The following TAFA4 variants were observed in gnomAD, a reference collection of about 807,000 sequenced individuals.
The protein encoded by TAFA4 is chemokine-like protein TAFA-4.
In TAFA4, 20 loss-of-function variants were observed where a neutral mutation model predicts 21.1. The observed-to-expected ratio is 0.95, with a 90% CI of 0.67 to 1.38. The LOEUF is 1.38. Among genes scored for constraint, TAFA4 ranks in the 40% most tolerant of loss-of-function variants. The pLI, the probability that TAFA4 is intolerant of heterozygous loss-of-function variation, is 0.00. For missense variants in TAFA4, 211 were observed against 180.9 expected, an observed-to-expected ratio of 1.17 and a Z score of -0.95; for synonymous variants, 71 against 67.4, an observed-to-expected ratio of 1.05 and a Z score of -0.26.
At chr3:68,763,842 C>A (rs1702800469) in intron 3 of TAFA4, among the ~76,000 whole-genome samples, 1 of 136,620 alleles carries the variant, frequency 7.3e-6, no homozygotes, top group African/African-American at 2.6e-5. Context: ...ATTAGGTAAA[C>A]CTTGGTCTTT....
chr3:68,815,758 A>T (rs968377602), intron 3 of TAFA4, among the ~76,000 whole-genome samples: 1 of 152,202 alleles, frequency 6.6e-6, no homozygotes, highest in African/African-American at 2.4e-5. Context: ...CAGTGTGGCG[A>T]TTCCTCAAGA....
intron 3 of TAFA4, among the ~76,000 whole-genome samples, chr3:68,859,672 A>T (rs561557438): frequency 6.6e-6 from 1 of 152,260 alleles, no homozygotes. Flanking sequence ...TCAGCCATGC[A>T]TCAACCTTGA....
intron 3 of TAFA4, among the ~76,000 whole-genome samples, chr3:68,878,744 A>C (rs2089582561): frequency 6.6e-6 from 1 of 152,148 alleles, no homozygotes; most frequent in Non-Finnish European, 1.5e-5. Flanking sequence ...TAAAAACAAC[A>C]AAACCTGTCT....
chr3:68,872,703 A>C (rs1218706674), intron 3 of TAFA4, among the ~76,000 whole-genome samples: 1 of 152,182 alleles, frequency 6.6e-6, no homozygotes, highest in Non-Finnish European at 1.5e-5. Context: ...ATAATAAATA[A>C]GAAAATGCAT....
chr3:68,734,025 T>C lies in TAFA4; in HGVS notation c.412-872A>G, dbSNP rs144841212. Among the ~76,000 whole-genome samples the C allele has an allele frequency of 5.3e-4, 80 of 152,276 alleles. No homozygotes were observed. In the East Asian group the frequency reaches 0.013, roughly 24 times the overall value. On this transcript the variant is annotated intron_variant, in intron 5 of 5. Coordinates refer to ENST00000295569, the MANE Select transcript of TAFA4 (RefSeq NM_182522.5). Reference sequence around the variant, plus strand: ...AACTTTTACTGGAAAGGACTCAATATGGTAAATATTTTCAGCTCTGCAGGC... The same window carrying C: ...AACTTTTACTGGAAAGGACTCAATACGGTAAATATTTTCAGCTCTGCAGGC...
At chr3:68,821,711 TA>T (rs897623086) in intron 3 of TAFA4, among the ~76,000 whole-genome samples, 11 of 152,134 alleles carry the variant, frequency 7.2e-5, no homozygotes, top group African/African-American at 2.7e-4. Context: ...ACACCACTGC[TA>T]CCCTGGATTT....
At chr3:68,804,446 C>A (rs558015141) in intron 3 of TAFA4, among the ~76,000 whole-genome samples, 28 of 152,254 alleles carry the variant, frequency 1.8e-4, no homozygotes, top group African/African-American at 6.5e-4. Flanking sequence ...TTGGAAAAAA[C>A]TACTTTAAAG....
At chr3:68,883,884 G>T (rs1365290534) in intron 2 of TAFA4, among the ~76,000 whole-genome samples, 1 of 152,006 alleles carries the variant, frequency 6.6e-6, no homozygotes, top group East Asian at 1.9e-4. Context: ...AGCGAGCTAT[G>T]ATTATACCAC....
intron 3 of TAFA4, among the ~76,000 whole-genome samples, chr3:68,793,771 A>G (rs1703407066): frequency 6.6e-6 from 1 of 152,240 alleles, no homozygotes; most frequent in Non-Finnish European, 1.5e-5. Context: ...CCCTGTAACA[A>G]TGAATCAAAT....
chr3:68,900,629 C>T (rs1322044366), intron 1 of TAFA4, among the ~76,000 whole-genome samples: 1 of 152,076 alleles, frequency 6.6e-6, no homozygotes, highest in Non-Finnish European at 1.5e-5. Flanking sequence ...GTGAGAATTC[C>T]CTATCAAACT....
intron 1 of TAFA4, among the ~76,000 whole-genome samples, chr3:68,900,674 C>G (rs2089836909): frequency 6.6e-6 from 1 of 152,220 alleles, no homozygotes; most frequent in Non-Finnish European, 1.5e-5. Context: ...GGCCTCTTCT[C>G]TCAGTATTGT....
At chr3:68,784,005 C>A (rs1333959679) in intron 3 of TAFA4, among the ~76,000 whole-genome samples, 3 of 152,124 alleles carry the variant, frequency 2.0e-5, no homozygotes, top group African/African-American at 7.2e-5. Context: ...ACAGATGCAG[C>A]TATTTTCTTC....
chr3:68,905,199 GGCTAGAGT>G (rs748803593), intron 1 of TAFA4, among the ~76,000 whole-genome samples: 2 of 137,976 alleles, frequency 1.4e-5, no homozygotes, highest in Non-Finnish European at 3.0e-5. Flanking sequence ...TCTGTCGCCA[GGCTAGAGT>G]GCAAGTGGTG....
intron 3 of TAFA4, among the ~76,000 whole-genome samples, chr3:68,848,741 T>C (rs913922830): frequency 9.9e-5 from 15 of 152,186 alleles, no homozygotes; most frequent in African/African-American, 3.6e-4. Flanking sequence ...AAATCTGTCC[T>C]GCACCACTTC....
intron 3 of TAFA4, among the ~76,000 whole-genome samples, chr3:68,766,479 G>A (rs766383369): frequency 2.6e-5 from 4 of 151,528 alleles, no homozygotes; most frequent in Non-Finnish European, 4.4e-5. Flanking sequence ...CAAATGCTAT[G>A]ATAAAAAAAT....
At chr3:68,806,738 A>G (rs532125759) in intron 3 of TAFA4, among the ~76,000 whole-genome samples, 13 of 152,254 alleles carry the variant, frequency 8.5e-5, no homozygotes, top group African/African-American at 3.1e-4. Flanking sequence ...GTGCCCTTAT[A>G]GGAGTCATGA....
chr3:68,796,087 G>A (rs966211947), intron 3 of TAFA4, among the ~76,000 whole-genome samples: 2 of 152,072 alleles, frequency 1.3e-5, no homozygotes, highest in Non-Finnish European at 2.9e-5. Context: ...GAGCTGCTTG[G>A]AGCTAGGGGT....
At chr3:68,856,301 T>C (rs542905926) in intron 3 of TAFA4, among the ~76,000 whole-genome samples, 9 of 152,238 alleles carry the variant, frequency 5.9e-5, no homozygotes, top group Non-Finnish European at 1.2e-4. Flanking sequence ...TCCAAAATGT[T>C]TTAAAATAAG....
intron 3 of TAFA4, among the ~76,000 whole-genome samples, chr3:68,810,935 C>G (rs188386483): frequency 6.6e-6 from 1 of 152,200 alleles, no homozygotes; most frequent in Non-Finnish European, 1.5e-5. Flanking sequence ...TAGGGGCAGT[C>G]TGACACCTCA....
Sources: gnomAD v4.1 joint callset for allele counts (sites outside exome capture counted in the v4.1 genomes callset) on GRCh38, gnomAD v4.1.1 for gene constraint, MANE v1.5 for transcripts, NCBI Gene and HGNC (gene_info 2026-07-23, HGNC 2026-07-21) for gene names.